Variants in GRIA1 observed in about 807,000 individuals in gnomAD.
GRIA1 encodes the protein glutamate receptor 1.
In GRIA1, 31 loss-of-function variants were observed where a neutral mutation model predicts 99.2. The observed-to-expected ratio is 0.31, with a 90% confidence interval of 0.23 to 0.42. The LOEUF (loss-of-function observed/expected upper bound fraction) is 0.42. Among genes scored for constraint, GRIA1 ranks in the 10% least tolerant of loss-of-function variants. GRIA1 has a pLI of 1.00. For missense variants in GRIA1, 782 were observed against 1,157.5 expected, an observed-to-expected ratio of 0.68 and a Z score of 4.71; for synonymous variants, 438 against 432.4, an observed-to-expected ratio of 1.01 and a Z score of -0.16.
Position 153,650,651 on chromosome 5 carries a change from A to G in GRIA1, c.645+137A>G, listed in dbSNP as rs116530821. Reference sequence around the variant, plus strand: ...GGTGAGACTAAAAGACCTCTATCTCATTTTCTATAATTCACAAAATTTAAT... The same window carrying G: ...GGTGAGACTAAAAGACCTCTATCTCGTTTTCTATAATTCACAAAATTTAAT... On this transcript the variant is annotated intron_variant, in intron 4 of 15. Transcript: ENST00000285900. 500 of 730,574 alleles carry G rather than the reference A, an allele frequency of 6.8e-4. 2 individuals are homozygous for G. The African/African-American group carries it at 8.5e-3, about 12-fold the overall frequency. 45.3% of individuals were successfully genotyped at this position (730,574 alleles called of 1,614,324 possible).
At chr5:153,752,706 A>G (rs1452850257) in intron 11 of GRIA1, among the ~76,000 whole-genome samples, 1 of 152,194 alleles carries the variant, frequency 6.6e-6, no homozygotes, top group African/African-American at 2.4e-5. Context: ...TTGCAAAGTA[A>G]ATGAATAAAT....
intron 5 of GRIA1, among the ~76,000 whole-genome samples, chr5:153,673,925 G>T (rs1057312297): frequency 6.6e-5 from 10 of 152,334 alleles, no homozygotes; most frequent in African/African-American, 2.4e-4. Flanking sequence ...AAGAGCACAG[G>T]GTGAGGATGG....
chr5:153,579,704 G>T (rs1380682896), intron 2 of GRIA1, among the ~76,000 whole-genome samples: 1 of 152,144 alleles, frequency 6.6e-6, no homozygotes, highest in Non-Finnish European at 1.5e-5. Flanking sequence ...CTCACATGCA[G>T]AGGTAGAGTA....
chr5:153,607,128 T>C (rs1159698057), intron 2 of GRIA1, among the ~76,000 whole-genome samples: 2 of 150,432 alleles, frequency 1.3e-5, no homozygotes, highest in Non-Finnish European at 1.5e-5. Context: ...TTCACATTTT[T>C]GCAATTGTAA....
intron 2 of GRIA1, among the ~76,000 whole-genome samples, chr5:153,606,491 T>G (rs574251199): frequency 6.6e-6 from 1 of 152,030 alleles, no homozygotes; most frequent in African/African-American, 2.4e-5. Flanking sequence ...TTTGGGAGAG[T>G]TGATATCTTT....
rs146202923 is a variant in GRIA1, at chr5:153,598,214, A to G, written c.221-48714A>G. Among the ~76,000 whole-genome samples the G allele has an allele frequency of 4.7e-3, 722 of 152,122 alleles. 8 individuals are homozygous for G. The highest frequency in any genetic ancestry group is 0.016 in the African/African-American group (669 of 41,498). On this transcript the variant is annotated intron_variant, in intron 2 of 15. Coordinates refer to ENST00000285900, the MANE Select transcript of GRIA1 (RefSeq NM_000827.4). ...ATAATCAAATATACTAAGTCTTGTC[A>G]AAGTAGTATACTCAAACTACTTGGG... is the stretch of plus-strand genomic sequence containing the variant.
At chr5:153,532,425 T>G (rs1758174103) in intron 2 of GRIA1, among the ~76,000 whole-genome samples, 1 of 152,206 alleles carries the variant, frequency 6.6e-6, no homozygotes, top group Non-Finnish European at 1.5e-5. Context: ...GGACTCAAGC[T>G]ATATCCCCAG....
intron 7 of GRIA1, among the ~76,000 whole-genome samples, chr5:153,685,071 A>T (rs1035444638): frequency 6.6e-6 from 1 of 152,080 alleles, no homozygotes; most frequent in Admixed American, 6.6e-5. Flanking sequence ...AAAATATAAA[A>T]CTCTGCAAAG....
intron 2 of GRIA1, among the ~76,000 whole-genome samples, chr5:153,634,404 A>G (rs1198490789): frequency 1.3e-5 from 2 of 152,158 alleles, no homozygotes; most frequent in African/African-American, 4.8e-5. Flanking sequence ...TGAGATCTGA[A>G]GAATGCGAAG....
At chr5:153,648,102 G>C (rs1021890161) in intron 3 of GRIA1, among the ~76,000 whole-genome samples, 6 of 152,232 alleles carry the variant, frequency 3.9e-5, no homozygotes, top group African/African-American at 1.4e-4. Flanking sequence ...GTGGTTGCCT[G>C]CAGGGAGTCT....
chr5:153,804,308 T>C (rs1415487886), intron 15 of GRIA1, among the ~76,000 whole-genome samples: 5 of 152,186 alleles, frequency 3.3e-5, no homozygotes, highest in Admixed American at 2.6e-4. Context: ...AAACCCAATG[T>C]AGACCTCCAA....
intron 13 of GRIA1, among the ~76,000 whole-genome samples, chr5:153,788,178 C>T (rs1005132931): frequency 2.6e-5 from 4 of 152,164 alleles, no homozygotes; most frequent in African/African-American, 9.7e-5. Flanking sequence ...CAAATGGTCC[C>T]TCAGTCTACA....
At chr5:153,605,951 G>C (rs1765401463) in intron 2 of GRIA1, among the ~76,000 whole-genome samples, 1 of 152,094 alleles carries the variant, frequency 6.6e-6, no homozygotes, top group Non-Finnish European at 1.5e-5. Flanking sequence ...CTGTTAACTT[G>C]AATGCAGTCC....
At chr5:153,783,103 C>G (rs1764742468) in intron 13 of GRIA1, among the ~76,000 whole-genome samples, 1 of 152,142 alleles carries the variant, frequency 6.6e-6, no homozygotes, top group Non-Finnish European at 1.5e-5. Context: ...GGAGAATTCT[C>G]CAGCATTGTG....
chr5:153,716,735 G>T (rs1054609745), intron 11 of GRIA1, among the ~76,000 whole-genome samples: 7 of 152,208 alleles, frequency 4.6e-5, no homozygotes, highest in African/African-American at 1.7e-4. Context: ...GAGAGGGCAT[G>T]TTGTTAACTG....
intron 13 of GRIA1, among the ~76,000 whole-genome samples, chr5:153,779,558 T>TTATA (rs1764497401): frequency 6.6e-6 from 1 of 152,114 alleles, no homozygotes; most frequent in Admixed American, 6.6e-5. Flanking sequence ...AGCCCATTTT[T>TTATA]TATTTATTTA....
At chr5:153,692,003 T>C (rs1484873039) in intron 8 of GRIA1, among the ~76,000 whole-genome samples, 1 of 152,190 alleles carries the variant, frequency 6.6e-6, no homozygotes, top group African/African-American at 2.4e-5. Flanking sequence ...CAGCTCTCAC[T>C]CCTCTTTCTC....
rs1162171039 is a variant in GRIA1, at chr5:153,633,450, G to A, written c.221-13478G>A. ...CATGTTTTGAGAAACTTTGAAAAGC[G>A]ATTCAAACGTTGGTGCAAAGGGAAC... is the stretch of plus-strand genomic sequence containing the variant. On this transcript the variant is annotated intron_variant, in intron 2 of 15. Coordinates refer to ENST00000285900, the MANE Select transcript of GRIA1 (RefSeq NM_000827.4). Among the ~76,000 whole-genome samples, 10 of 152,274 alleles carry A rather than the reference G, an allele frequency of 6.6e-5. No homozygotes were observed. In the East Asian group the frequency reaches 1.3e-3, roughly 21 times the overall value.
chr5:153,512,394 A>G (rs559827580), intron 2 of GRIA1, among the ~76,000 whole-genome samples: 1 of 152,338 alleles, frequency 6.6e-6, no homozygotes, highest in South Asian at 2.1e-4. Context: ...GGAGGCTCTG[A>G]GAAGGAAAAA....
Sources: allele counts gnomAD v4.1 joint callset (sites outside exome capture counted in the v4.1 genomes callset), GRCh38; gene constraint gnomAD v4.1.1; transcripts MANE v1.5; gene names NCBI Gene and HGNC (gene_info 2026-07-23, HGNC 2026-07-21).